USP6NL: variants seen among roughly 807,000 people sequenced by gnomAD.
USP6NL encodes the protein USP6 N-terminal like.
Under a neutral mutation model 61.9 loss-of-function variants are expected in USP6NL, and 26 were observed. The ratio of observed to expected loss-of-function variants is 0.42; its 90% CI spans 0.31 to 0.58. The LOEUF (loss-of-function observed/expected upper bound fraction) is 0.58. USP6NL is among the 20% of genes least tolerant of loss of function. The pLI is 0.16. For missense variants in USP6NL, 1,114 were observed against 1,034.3 expected (o/e 1.08, Z -1.06); for synonymous variants, 432 against 390.1 (o/e 1.11, Z -1.27).
chr10:11,515,976 C>A (rs1226092316), intron 5 of USP6NL, among the ~76,000 whole-genome samples: 1 of 152,136 alleles, frequency 6.6e-6, no homozygotes, highest in East Asian at 1.9e-4. Flanking sequence ...AAAGATTGCA[C>A]TACATGAAGG....
At chr10:11,531,748 A>C (rs1458475231) in intron 2 of USP6NL, among the ~76,000 whole-genome samples, 2 of 152,178 alleles carry the variant, frequency 1.3e-5, no homozygotes, top group African/African-American at 4.8e-5. Flanking sequence ...AATGTAACAA[A>C]GTTTCAAAGT....
At chr10:11,507,746 T>C (rs551935297) in intron 6 of USP6NL, among the ~76,000 whole-genome samples, 1 of 152,328 alleles carries the variant, frequency 6.6e-6, no homozygotes, top group South Asian at 2.1e-4. Context: ...CCTCATTTAA[T>C]AATAAGCAAC....
intron 1 of USP6NL, among the ~76,000 whole-genome samples, chr10:11,608,290 G>T (rs1838771604): frequency 6.6e-6 from 1 of 152,192 alleles, no homozygotes; most frequent in African/African-American, 2.4e-5. Context: ...TCACTCCCAG[G>T]TCTGGTATGG....
chr10:11,556,885 T>C (rs1354378825), intron 2 of USP6NL, among the ~76,000 whole-genome samples: 1 of 152,242 alleles, frequency 6.6e-6, no homozygotes, highest in Non-Finnish European at 1.5e-5. Flanking sequence ...ACATCCAGTC[T>C]TTTGAGTCTA....
intron 14 of USP6NL, among the ~76,000 whole-genome samples, chr10:11,473,402 C>A (rs1334296189): frequency 1.3e-5 from 2 of 152,138 alleles, no homozygotes; most frequent in East Asian, 1.9e-4. Flanking sequence ...GCACAAAACA[C>A]AGGTGCAGGT....
rs1429449188 is a variant in USP6NL, at chr10:11,510,158, A to T, written c.196-483T>A. 1.3e-5 allele frequency among the ~76,000 whole-genome samples: 2 copies of T among 151,906 alleles called. No homozygotes were observed. The highest frequency in any genetic ancestry group is 2.4e-5 in the African/African-American group (1 of 41,354). ...AGCCTTATGCTAGAGGGAAACTATTAAAAAAAATAAAACTAAGTACTAGTT... is the reference window on the plus strand; with the variant it reads ...AGCCTTATGCTAGAGGGAAACTATTTAAAAAAATAAAACTAAGTACTAGTT... On this transcript the variant is annotated intron_variant, in intron 5 of 14. Transcript: ENST00000609104. This position sits in a 1 kb window ranked among gnomAD's most constrained non-coding sequence, Gnocchi z 4.8.
chr10:11,474,004 G>A lies in USP6NL; in HGVS notation c.1078+7766C>T, dbSNP rs996876939. Among the ~76,000 whole-genome samples the A allele has an allele frequency of 8.5e-5, 13 of 152,194 alleles. No individual in the cohort carries two copies. In the East Asian group the frequency reaches 2.3e-3, roughly 27 times the overall value. ...AAGCCATCTCGCAGGCACCACCTTCGAGATAATAAAGGCGGTGCCACCCGA... is the reference window on the plus strand; with the variant it reads ...AAGCCATCTCGCAGGCACCACCTTCAAGATAATAAAGGCGGTGCCACCCGA... On this transcript the variant is annotated intron_variant, in intron 14 of 14. Coordinates refer to ENST00000609104, the MANE Select transcript of USP6NL (RefSeq NM_014688.5). This position sits in a 1 kb window ranked among gnomAD's most constrained non-coding sequence, Gnocchi z 4.9.
intron 2 of USP6NL, among the ~76,000 whole-genome samples, chr10:11,570,179 G>A (rs1361328747): frequency 6.6e-6 from 1 of 152,146 alleles, no homozygotes; most frequent in African/African-American, 2.4e-5. Context: ...GGTCCGTTAA[G>A]TACCTCCCCG....
Position 11,562,996 on chromosome 10 carries a change from AAAAT to A in USP6NL, c.4+34631_4+34634del, listed in dbSNP as rs928374709. On this transcript the variant is annotated intron_variant, in intron 2 of 14. Coordinates refer to ENST00000609104, the MANE Select transcript of USP6NL (RefSeq NM_014688.5). The surrounding 1 kb of genome is among the most constrained non-coding windows in gnomAD (Gnocchi z 4.8). ...AGTAGCTTTATTTGTAATAGTAAAA[AAAAT>A]AAAAAATAAAATAAAATAAATAAAA... is the stretch of plus-strand genomic sequence containing the variant. Among the ~76,000 whole-genome samples the A allele has an allele frequency of 3.4e-4, 52 of 152,018 alleles. No homozygotes were observed. The highest frequency in any genetic ancestry group is 1.2e-3 in the African/African-American group (50 of 41,546).
intron 6 of USP6NL, among the ~76,000 whole-genome samples, chr10:11,505,769 CATT>C (rs1328572346): frequency 6.6e-6 from 1 of 152,162 alleles, no homozygotes; most frequent in Non-Finnish European, 1.5e-5. Context: ...CAATCCACAT[CATT>C]ATGACTGCCA....
Position 11,489,272 on chromosome 10 carries a change from T to C in USP6NL, c.544-50A>G, listed in dbSNP as rs532942836. 61 of 1,610,252 alleles carry C rather than the reference T, an allele frequency of 3.8e-5. 1 individual carries two copies. The South Asian group carries it at 6.1e-4, about 16-fold the overall frequency. On this transcript the variant is annotated intron_variant, in intron 9 of 14. Transcript: ENST00000609104. This position sits in a 1 kb window ranked among gnomAD's most constrained non-coding sequence, Gnocchi z 5.7. ...AGCTGGGGAGTTCAGTCGAATTACATGCATATGTACAGAGAAAAAGCTACT... is the reference window on the plus strand; with the variant it reads ...AGCTGGGGAGTTCAGTCGAATTACACGCATATGTACAGAGAAAAAGCTACT...
chr10:11,510,815 C>A lies in USP6NL; in HGVS notation c.196-1140G>T, dbSNP rs1222795168. ...CACAAAGGGCTTAAGGGACTTGTCCCAAGTCACCCCTCTCATAAGTGGTAG... is the reference window on the plus strand; with the variant it reads ...CACAAAGGGCTTAAGGGACTTGTCCAAAGTCACCCCTCTCATAAGTGGTAG... On this transcript the variant is annotated intron_variant, in intron 5 of 14. Coordinates refer to ENST00000609104, the MANE Select transcript of USP6NL (RefSeq NM_014688.5). The surrounding 1 kb of genome is among the most constrained non-coding windows in gnomAD (Gnocchi z 4.8). Among the ~76,000 whole-genome samples, 1 of 152,236 alleles carries A rather than the reference C, an allele frequency of 6.6e-6. No homozygotes were observed. The highest frequency in any genetic ancestry group is 2.4e-5 in the African/African-American group (1 of 41,464).
chr10:11,472,335 C>G (rs1280241794), intron 14 of USP6NL, among the ~76,000 whole-genome samples: 2 of 152,210 alleles, frequency 1.3e-5, no homozygotes, highest in Non-Finnish European at 2.9e-5. Flanking sequence ...CTGTCACCCC[C>G]CAGTGGACGC....
chr10:11,606,068 TAGAAAC>T (rs1288178003), intron 1 of USP6NL, among the ~76,000 whole-genome samples: 2 of 151,440 alleles, frequency 1.3e-5, no homozygotes, highest in East Asian at 1.9e-4. Flanking sequence ...AGGAGGAAAA[TAGAAAC>T]AGAAAGAGAC....
At chr10:11,467,757 CATTAAT>C (rs1832536127) in intron 14 of USP6NL, among the ~76,000 whole-genome samples, 1 of 152,118 alleles carries the variant, frequency 6.6e-6, no homozygotes, top group South Asian at 2.1e-4. Flanking sequence ...CGCTAGTAGT[CATTAAT>C]ATAGTTTTTA....
Position 11,470,373 on chromosome 10 carries a change from CCT to C in USP6NL, c.1079-6526_1079-6525del, listed in dbSNP as rs998121821. 1.6e-4 allele frequency among the ~76,000 whole-genome samples: 25 copies of C among 152,270 alleles called. 1 individual carries two copies. Among genetic ancestry groups the C allele is most frequent in the Admixed American group, 5.9e-4 (9 of 15,302 alleles). Reference sequence around the variant, plus strand: ...CCAAGGACGCCATGCCAGGATCTGGCCTCTACTATGATGAAGAGGAAAATCTC... The same window carrying C: ...CCAAGGACGCCATGCCAGGATCTGGCCTACTATGATGAAGAGGAAAATCTC... On this transcript the variant is annotated intron_variant, in intron 14 of 14. Transcript: ENST00000609104. This position sits in a 1 kb window ranked among gnomAD's most constrained non-coding sequence, Gnocchi z 5.4.
At chr10:11,522,764 G>C (rs1403277088) in intron 4 of USP6NL, among the ~76,000 whole-genome samples, 1 of 152,098 alleles carries the variant, frequency 6.6e-6, no homozygotes, top group African/African-American at 2.4e-5. Context: ...TTAGGTCCTC[G>C]TTTTCCCCCT....
intron 6 of USP6NL, among the ~76,000 whole-genome samples, chr10:11,503,136 G>A (rs916002727): frequency 2.0e-5 from 3 of 152,258 alleles, no homozygotes; most frequent in African/African-American, 4.8e-5. Flanking sequence ...TAAAGATGTC[G>A]TACTGCAGGC....
intron 14 of USP6NL, among the ~76,000 whole-genome samples, chr10:11,477,623 CT>C (rs1176645628): frequency 2.8e-4 from 43 of 152,176 alleles, no homozygotes; most frequent in African/African-American, 1.0e-3. Context: ...ACAGTATAAC[CT>C]GACAACACAC....
Sources: gnomAD v4.1 joint callset for allele counts (sites outside exome capture counted in the v4.1 genomes callset) on GRCh38, gnomAD v4.1.1 for gene constraint, Gnocchi (gnomAD v3.1) non-coding constraint, MANE v1.5 for transcripts, NCBI Gene and HGNC (gene_info 2026-07-23, HGNC 2026-07-21) for gene names.